Variants in MEX3C observed in about 807,000 individuals in gnomAD.
The protein encoded by MEX3C is mex-3 RNA binding family member C, also known as RNA-binding E3 ubiquitin-protein ligase MEX3C.
Under a neutral mutation model 35.5 loss-of-function variants are expected in MEX3C, and 15 were observed. That is an observed-to-expected ratio of 0.42 (90% CI 0.28 to 0.65). The LOEUF (loss-of-function observed/expected upper bound fraction) is 0.65, where lower values mean the gene tolerates loss of function less well. MEX3C is among the 30% of genes least tolerant of loss of function. The pLI, the probability that MEX3C is intolerant of heterozygous loss-of-function variation, is 0.20. For missense variants in MEX3C, 711 were observed against 842.8 expected, an observed-to-expected ratio of 0.84 and a Z score of 1.94; for synonymous variants, 390 against 352.8, an observed-to-expected ratio of 1.11 and a Z score of -1.18.
intron 1 of MEX3C, among the ~76,000 whole-genome samples, chr18:51,191,276 G>A (rs1228688960): frequency 6.6e-6 from 1 of 152,114 alleles, no homozygotes; most frequent in African/African-American, 2.4e-5. Context: ...AATGAAATAT[G>A]AGCAGATGTG....
In MEX3C at chr18:51,196,559, G is replaced by A. The variant is rs1424751423; in HGVS notation, c.754+8C>T. The A allele has an allele frequency of 6.4e-7, 1 of 1,573,586 alleles. No homozygotes were observed. The highest frequency in any genetic ancestry group is 1.2e-5 in the South Asian group (1 of 86,844). On this transcript the variant is annotated splice_region_variant and intron_variant, in intron 1 of 1. Transcript: ENST00000406189. ...TGCCCAGCTGGACCTCCCCACCCCT[G>A]CACTCACCCTGGCGGCCGACGATCT...
intron 1 of MEX3C, among the ~76,000 whole-genome samples, chr18:51,187,438 ACT>A (rs1453779798): frequency 1.3e-5 from 2 of 152,350 alleles, no homozygotes; most frequent in African/African-American, 4.8e-5. Context: ...GTTAGGGCAA[ACT>A]ATGATTAAAG....
rs772791869 is a variant in MEX3C, at chr18:51,197,026, C to G, written c.295G>C (p.Gly99Arg). Reference protein sequence around the residue: ...PEERAPPGRPGAPEAAELELE... With the variant: ...PEERAPPGRPRAPEAAELELE... ...TCCAGCTCGGCCGCCTCCGGGGCCCCGGGCCGGCCGGGCGGAGCCCGCTCC... is the reference window on the plus strand; with the variant it reads ...TCCAGCTCGGCCGCCTCCGGGGCCCGGGGCCGGCCGGGCGGAGCCCGCTCC... Residue 99 changes from glycine to arginine, a missense_variant, in exon 1 of 2, where the codon GGG (glycine) becomes CGG (arginine). Physicochemically the swap from Gly to Arg is moderately radical, Grantham distance 125. This residue lies in a region of MEX3C where 354 missense variants were observed against 311.6 expected (regional missense o/e 1.14). Transcript: ENST00000406189. 9.2e-6 allele frequency: 14 copies of G among 1,517,378 alleles called. No homozygotes were observed. In the South Asian group the frequency reaches 1.7e-4, roughly 18 times the overall value. The allele number at this position is 1,517,378 out of a possible 1,614,324, so 94.0% of individuals were successfully genotyped here. A position where few individuals can be genotyped will look rare whatever the true frequency, so the allele number is the denominator to read the frequency against.
intron 1 of MEX3C, among the ~76,000 whole-genome samples, chr18:51,191,965 ATAC>A (rs1279370928): frequency 6.6e-6 from 1 of 152,206 alleles, no homozygotes; most frequent in Non-Finnish European, 1.5e-5. Flanking sequence ...TAAAATACAC[ATAC>A]TAAAACATTT....
intron 1 of MEX3C, among the ~76,000 whole-genome samples, chr18:51,179,693 G>C (rs945431451): frequency 1.3e-5 from 2 of 152,208 alleles, no homozygotes; most frequent in African/African-American, 2.4e-5. Flanking sequence ...GAAGAACAGA[G>C]AGTACAATGA....
chr18:51,192,395 C>G (rs575718722), intron 1 of MEX3C, among the ~76,000 whole-genome samples: 2 of 151,958 alleles, frequency 1.3e-5, no homozygotes, highest in Non-Finnish European at 2.9e-5. Flanking sequence ...AATTTTAAAG[C>G]CTAGAAAAAT....
rs967047069 is a variant in MEX3C, at chr18:51,197,551, T to G, written c.-231A>C. On this transcript the variant is annotated 5_prime_UTR_variant, in exon 1 of 2. Coordinates refer to ENST00000406189, the MANE Select transcript of MEX3C (RefSeq NM_016626.5). ...AGAGGTAGGTAACTAGGTGGGTGGGTGGGGACGGCGGCGGGGCGGGCTGGT... is the reference window on the plus strand; with the variant it reads ...AGAGGTAGGTAACTAGGTGGGTGGGGGGGGACGGCGGCGGGGCGGGCTGGT... 1.1e-4 allele frequency among the ~76,000 whole-genome samples: 1 copy of G among 9,424 alleles called. No individual in the cohort carries two copies. The highest frequency in any genetic ancestry group is 2.1e-4 in the Non-Finnish European group (1 of 4,784). The allele number at this position is 9,424 out of a possible 152,430, so 6.2% of individuals were successfully genotyped here.
At position 51,182,308 on chromosome 18, in the gene MEX3C, G is replaced by A. The variant is rs192960881; in HGVS notation, c.755-4732C>T. 1.4e-3 allele frequency among the ~76,000 whole-genome samples: 210 copies of A among 152,266 alleles called. 2 individuals are homozygous for A. The highest frequency in any genetic ancestry group is 0.012 in the Admixed American group (188 of 15,298). On this transcript the variant is annotated intron_variant, in intron 1 of 1. Coordinates refer to ENST00000406189, the MANE Select transcript of MEX3C (RefSeq NM_016626.5). ...CCTGTTGGATAAGGGGGGGACTACT[G>A]TACAAACAGCAGGGTAAATGATTTC...
At chr18:51,182,841 A>G (rs1267489987) in intron 1 of MEX3C, among the ~76,000 whole-genome samples, 1 of 152,264 alleles carries the variant, frequency 6.6e-6, no homozygotes, top group Non-Finnish European at 1.5e-5. Context: ...AGCATTTAAA[A>G]AAAGAACTCA....
chr18:51,197,028 G>A lies in MEX3C; in HGVS notation c.293C>T (p.Pro98Leu). ...CAGCTCGGCCGCCTCCGGGGCCCCG[G>A]GCCGGCCGGGCGGAGCCCGCTCCTC... ...SPEERAPPGR[P>L]GAPEAAELEL... is the part of the protein sequence containing the mutation. Residue 98 changes from proline to leucine, a missense_variant, in exon 1 of 2, where the codon CCC becomes CTC. This residue lies in a region of MEX3C where 354 missense variants were observed against 311.6 expected (regional missense o/e 1.14). Coordinates refer to ENST00000406189, the MANE Select transcript of MEX3C (RefSeq NM_016626.5). 1 of 1,518,172 alleles carries A rather than the reference G, an allele frequency of 6.6e-7. No individual in the cohort carries two copies. The highest frequency in any genetic ancestry group is 8.8e-7 in the Non-Finnish European group (1 of 1,138,660). The allele number at this position is 1,518,172 out of a possible 1,614,324, so 94.0% of individuals were successfully genotyped here. A position where few individuals can be genotyped will look rare whatever the true frequency, so the allele number is the denominator to read the frequency against.
At chr18:51,188,163 T>C (rs1433645060) in intron 1 of MEX3C, among the ~76,000 whole-genome samples, 1 of 152,226 alleles carries the variant, frequency 6.6e-6, no homozygotes, top group Non-Finnish European at 1.5e-5. Flanking sequence ...GGGATTACTA[T>C]GACAATACTT....
chr18:51,182,808 G>A (rs1912459017), intron 1 of MEX3C, among the ~76,000 whole-genome samples: 1 of 152,186 alleles, frequency 6.6e-6, no homozygotes, highest in Non-Finnish European at 1.5e-5. Flanking sequence ...ATGGGTTGCA[G>A]TATCAATTCA....
intron 1 of MEX3C, among the ~76,000 whole-genome samples, chr18:51,190,705 T>C (rs1912633163): frequency 6.6e-6 from 1 of 152,110 alleles, no homozygotes; most frequent in Non-Finnish European, 1.5e-5. Flanking sequence ...CAAAGTCAGT[T>C]ATAGAATAAA....
intron 1 of MEX3C, among the ~76,000 whole-genome samples, chr18:51,182,417 G>A (rs1188326009): frequency 6.6e-6 from 1 of 152,106 alleles, no homozygotes; most frequent in African/African-American, 2.4e-5. Flanking sequence ...ATCCACATAT[G>A]GCAAGTTGTA....
At chr18:51,192,845 A>G (rs1040942100) in intron 1 of MEX3C, 1 of 152,234 alleles carries the variant, frequency 6.6e-6, no homozygotes, top group African/African-American at 2.4e-5. Flanking sequence ...CTAACATAGT[A>G]CTAAGCAAAG....
chr18:51,191,437 A>G (rs939278688), intron 1 of MEX3C, among the ~76,000 whole-genome samples: 3 of 152,180 alleles, frequency 2.0e-5, no homozygotes, highest in Non-Finnish European at 4.4e-5. Flanking sequence ...CAGAGCCCCT[A>G]TGAACAAGAA....
At chr18:51,192,074 A>T (rs1179474355) in intron 1 of MEX3C, among the ~76,000 whole-genome samples, 1 of 152,188 alleles carries the variant, frequency 6.6e-6, no homozygotes, top group Non-Finnish European at 1.5e-5. Flanking sequence ...CTTACGCTGT[A>T]AAGAACCACC....
chr18:51,189,397 T>C (rs886340423), intron 1 of MEX3C, among the ~76,000 whole-genome samples: 5 of 152,178 alleles, frequency 3.3e-5, no homozygotes, highest in Non-Finnish European at 2.9e-5. Context: ...TGTCCAGTTA[T>C]AAACTAGTGA....
Position 51,196,834 on chromosome 18 carries a change from C to A in MEX3C, c.487G>T (p.Gly163Trp). 3 of 1,536,424 alleles carry A rather than the reference C, an allele frequency of 2.0e-6. No homozygotes were observed. The highest frequency in any genetic ancestry group is 1.7e-6 in the Non-Finnish European group (2 of 1,145,360). Reference protein sequence around the residue: ...QTQQIPGGSLGSVLLPAARFD... With the variant: ...QTQQIPGGSLWSVLLPAARFD... ...CTGGCGGCTGGCAGCAGCACAGACC[C>A]CAGGGACCCGCCCGGGATCTGCTGG... Residue 163 changes from glycine (G) to tryptophan (W), a missense_variant, in exon 1 of 2, where the codon GGG becomes TGG. Physicochemically the swap from Gly to Trp is radical, Grantham distance 184. Transcript: ENST00000406189.
Sources: gnomAD v4.1 joint callset for allele counts (sites outside exome capture counted in the v4.1 genomes callset) on GRCh38, gnomAD v4.1.1 for gene constraint, gnomAD v4.1.1 regional missense constraint, MANE v1.5 for transcripts, NCBI Gene and HGNC (gene_info 2026-07-23, HGNC 2026-07-21) for gene names.